Variants in ZNF236 observed in about 807,000 individuals in gnomAD.
The protein encoded by ZNF236 is regulated by glucose.
ZNF236 carries 50 observed loss-of-function variants against 191.2 expected under a neutral mutation model. That is an observed-to-expected ratio of 0.26 (90% CI 0.21 to 0.33). The LOEUF (loss-of-function observed/expected upper bound fraction) is 0.33. Ranked by LOEUF, ZNF236 falls within the 10% of genes least tolerant of loss-of-function variation. The pLI, the probability that ZNF236 is intolerant of heterozygous loss-of-function variation, is 1.00. For synonymous variants in ZNF236, 907 were observed against 928.8 expected, an observed-to-expected ratio of 0.98 and a Z score of 0.43; for missense variants, 1,754 against 2,374.5, an observed-to-expected ratio of 0.74 and a Z score of 5.43.
chr18:76,887,508 C>T (rs1977093634), intron 9 of ZNF236: 1 of 152,200 alleles, frequency 6.6e-6, no homozygotes, highest in Admixed American at 6.5e-5. Flanking sequence ...TATCTATAAA[C>T]CTATCATTGG....
At chr18:76,837,595 C>A (rs1975374665) in intron 1 of ZNF236, among the ~76,000 whole-genome samples, 1 of 151,920 alleles carries the variant, frequency 6.6e-6, no homozygotes, top group East Asian at 1.9e-4. Flanking sequence ...CGTGTGCCAC[C>A]ACGCCTGGCT....
intron 22 of ZNF236, among the ~76,000 whole-genome samples, chr18:76,926,213 A>G (rs900097032): frequency 6.6e-6 from 1 of 151,974 alleles, no homozygotes; most frequent in Non-Finnish European, 1.5e-5. Context: ...GTGTGTGTGT[A>G]TGGTATAAAG....
chr18:76,864,186 C>A lies in ZNF236; in HGVS notation c.364-4499C>A, dbSNP rs532704218. On this transcript the variant is annotated intron_variant, in intron 3 of 30. Transcript: ENST00000320610. ...TCCATAATCATGAGACAATTTCTTACAACAAATATCTTTTTTTTTTTTTTT... is the reference window on the plus strand; with the variant it reads ...TCCATAATCATGAGACAATTTCTTAAAACAAATATCTTTTTTTTTTTTTTT... Among the ~76,000 whole-genome samples the A allele has an allele frequency of 1.3e-3, 189 of 146,964 alleles. 1 individual carries two copies. The highest frequency in any genetic ancestry group is 2.2e-3 in the Non-Finnish European group (147 of 66,334).
intron 1 of ZNF236, among the ~76,000 whole-genome samples, chr18:76,845,773 C>A (rs769657551): frequency 4.6e-5 from 7 of 151,952 alleles, no homozygotes; most frequent in Non-Finnish European, 1.0e-4. Context: ...CAATTGAACC[C>A]GGGAGGTGAA....
intron 25 of ZNF236, chr18:76,931,251 A>G (rs926237566): frequency 6.6e-6 from 1 of 152,222 alleles, no homozygotes; most frequent in Non-Finnish European, 1.5e-5. Context: ...CGAGTTAGCC[A>G]AGAAAGACAT....
intron 26 of ZNF236, 105 bp from the exon 27 acceptor site, chr18:76,947,416 G>A: frequency 7.2e-7 from 1 of 1,383,424 alleles, no homozygotes; most frequent in Non-Finnish European, 9.7e-7. Flanking sequence ...TTTTTGAGGA[G>A]CTACCAGCTT....
chr18:76,847,185 A>G (rs1975716153), intron 1 of ZNF236, among the ~76,000 whole-genome samples: 1 of 152,158 alleles, frequency 6.6e-6, no homozygotes, highest in African/African-American at 2.4e-5. Flanking sequence ...TTTGGGCAAC[A>G]TATTAAGTAG....
In ZNF236 at chr18:76,899,798, C is replaced by A. The variant is rs549826481; in HGVS notation, c.1894+576C>A. ...AGTACTAGAACAAAATTTAAGAAACCTCATTGTCTTAGTTTGTTTGAGCTC... is the reference window on the plus strand; with the variant it reads ...AGTACTAGAACAAAATTTAAGAAACATCATTGTCTTAGTTTGTTTGAGCTC... On this transcript the variant is annotated intron_variant, in intron 11 of 30. Transcript: ENST00000320610. Among the ~76,000 whole-genome samples, 22 of 152,170 alleles carry A rather than the reference C, an allele frequency of 1.4e-4. No homozygotes were observed. The South Asian group carries it at 4.6e-3, about 32-fold the overall frequency.
chr18:76,926,253 T>A (rs1445588686), intron 22 of ZNF236, among the ~76,000 whole-genome samples: 1 of 151,670 alleles, frequency 6.6e-6, no homozygotes, highest in Non-Finnish European at 1.5e-5. Flanking sequence ...TGCTCTGCGG[T>A]GATTAGACTG....
At chr18:76,967,529 G>T (rs969026357) in intron 30 of ZNF236, among the ~76,000 whole-genome samples, 3 of 94,634 alleles carry the variant, frequency 3.2e-5, no homozygotes, top group African/African-American at 1.2e-4. Context: ...GGAGGTGGTG[G>T]TGTGATCTGT....
intron 26 of ZNF236, among the ~76,000 whole-genome samples, chr18:76,941,449 C>T (rs909964704): frequency 6.6e-6 from 1 of 152,188 alleles, no homozygotes; most frequent in Non-Finnish European, 1.5e-5. Context: ...TGGACTTGGG[C>T]TCTGCTGGCT....
chr18:76,894,127 C>A (rs1251645039), intron 9 of ZNF236, among the ~76,000 whole-genome samples: 3 of 152,140 alleles, frequency 2.0e-5, no homozygotes, highest in Non-Finnish European at 4.4e-5. Flanking sequence ...TAAATCTAAT[C>A]AAAAATTTTA....
At chr18:76,824,279 A>G (rs1974954515) in intron 1 of ZNF236, 1 of 779,758 alleles carries the variant, frequency 1.3e-6, no homozygotes, top group Non-Finnish European at 2.4e-6. Flanking sequence ...TCGTGATTGC[A>G]CTTGGTAGAG....
At chr18:76,908,707 TTGAG>T in intron 14 of ZNF236, 134 bp downstream of exon 14, 1 of 1,139,240 alleles carries the variant, frequency 8.8e-7, no homozygotes, top group South Asian at 1.6e-5. Flanking sequence ...AGAGATTGAA[TTGAG>T]TATTTGATAT....
At chr18:76,887,779 G>A (rs1166879488) in intron 9 of ZNF236, among the ~76,000 whole-genome samples, 3 of 152,140 alleles carry the variant, frequency 2.0e-5, no homozygotes, top group African/African-American at 4.8e-5. Flanking sequence ...TCAGTGTCAA[G>A]AGAACAGCAC....
intron 2 of ZNF236, among the ~76,000 whole-genome samples, chr18:76,849,949 T>G (rs143814709): frequency 3.9e-4 from 59 of 152,334 alleles, no homozygotes; most frequent in African/African-American, 1.3e-3. Context: ...TTAAAAGTAG[T>G]TTCAATTTCC....
At chr18:76,895,337 C>T in intron 10 of ZNF236, 52 bp downstream of exon 10, 1 of 1,586,156 alleles carries the variant, frequency 6.3e-7, no homozygotes, top group Non-Finnish European at 8.5e-7. Context: ...GGGCCACACA[C>T]ATTACTGCGC....
At position 76,839,888 on chromosome 18, in the gene ZNF236, A is replaced by T. The variant is rs148313720; in HGVS notation, c.56-9638A>T. ...AACAAAACAAGAAATTATGCTATAT[A>T]TAGAAAATTAGTTTTTTGCACTGTC... On this transcript the variant is annotated intron_variant, in intron 1 of 30. Transcript: ENST00000320610. 5.5e-3 allele frequency among the ~76,000 whole-genome samples: 845 copies of T among 152,332 alleles called. 6 individuals are homozygous for T. The highest frequency in any genetic ancestry group is 0.03 in the South Asian group (143 of 4,828).
chr18:76,849,244 T>A (rs1975788153), intron 1 of ZNF236: 1 of 301,122 alleles, frequency 3.3e-6, no homozygotes, highest in South Asian at 5.8e-5. Context: ...TGTTTTGGTG[T>A]GTGTGGCTGT....
Sources: gnomAD v4.1 joint callset for allele counts (sites outside exome capture counted in the v4.1 genomes callset) on GRCh38, gnomAD v4.1.1 for gene constraint, MANE v1.5 for transcripts, NCBI Gene and HGNC (gene_info 2026-07-23, HGNC 2026-07-21) for gene names.